Variants in UPF2 observed in about 807,000 individuals in gnomAD.
UPF2 encodes UPF2 regulator of nonsense mediated mRNA decay.
A neutral mutation model predicts 141.4 loss-of-function variants in UPF2; 17 were observed. The observed-to-expected ratio is 0.12, with a 90% CI of 0.08 to 0.18. UPF2 has a LOEUF of 0.18. Among genes scored for constraint, UPF2 ranks in the 10% least tolerant of loss-of-function variants. The pLI is 1.00. For missense variants in UPF2, 1,152 were observed against 1,515.9 expected (o/e 0.76, Z 3.99); for synonymous variants, 540 against 498.0 (o/e 1.08, Z -1.12).
chr10:11,941,541 G>C (rs1832936321), intron 18 of UPF2, among the ~76,000 whole-genome samples: 3 of 151,828 alleles, frequency 2.0e-5, no homozygotes, highest in Admixed American at 1.3e-4. Flanking sequence ...AGCATATAAA[G>C]ATTCCATAAT....
intron 3 of UPF2, among the ~76,000 whole-genome samples, chr10:12,018,186 G>T (rs898818390): frequency 6.6e-6 from 1 of 152,116 alleles, no homozygotes; most frequent in African/African-American, 2.4e-5. Flanking sequence ...AGCGGCTAAC[G>T]CCTGTAATCC....
intron 1 of UPF2, among the ~76,000 whole-genome samples, chr10:12,038,378 TCACACACA>T (rs200544672): frequency 1.8e-3 from 248 of 135,926 alleles, no homozygotes; most frequent in African/African-American, 3.6e-3. Flanking sequence ...AGACTCCATC[TCACACACA>T]CACACACACA....
In UPF2 at chr10:12,029,399, A is replaced by G; in HGVS notation, c.491T>C (p.Leu164Pro). ...SRPEENFFSR[L>P]DSSLKKNTAF... Reference sequence around the variant, plus strand: ...AGTATTTTTCTTCAAACTTGAGTCGAGGCGGCTGAAGAAGTTTTCCTCTGG... The same window carrying G: ...AGTATTTTTCTTCAAACTTGAGTCGGGGCGGCTGAAGAAGTTTTCCTCTGG... Residue 164 changes from leucine (L) to proline (P), a missense_variant, in exon 3 of 22, where the codon CTC becomes CCC. Physicochemically the swap from Leu to Pro is moderately conservative, Grantham distance 98. Transcript: ENST00000357604. 1.2e-6 allele frequency: 2 copies of G among 1,614,228 alleles called. No individual in the cohort carries two copies. The highest frequency in any genetic ancestry group is 1.7e-6 in the Non-Finnish European group (2 of 1,180,038).
chr10:11,921,199 C>T lies in UPF2; in HGVS notation c.*99G>A. On this transcript the variant is annotated 3_prime_UTR_variant, in exon 22 of 22. Transcript: ENST00000357604. The surrounding 1 kb of genome is among the most constrained non-coding windows in gnomAD (Gnocchi z 5.9). ...TTAGATTCGCAACTCTCTAGACCGA[C>T]CTGCTGAGATGTGTCCACTGCTCTC... 6.5e-7 allele frequency: 1 copy of T among 1,535,824 alleles called. No individual in the cohort carries two copies. The highest frequency in any genetic ancestry group is 1.4e-5 in the African/African-American group (1 of 73,422).
chr10:12,035,269 G>C lies in UPF2; in HGVS notation c.155C>G (p.Ala52Gly). 6.2e-7 allele frequency: 1 copy of C among 1,613,600 alleles called. No individual in the cohort carries two copies. Among genetic ancestry groups the C allele is most frequent in the Non-Finnish European group, 8.5e-7 (1 of 1,179,974 alleles). The part of the protein sequence containing the change: ...KLTAKKEVSK[A>G]PEDKKKRLED... ...CAGTCTCTTCTTCTTGTCTTCAGGGGCCTTGCTGACCTCCTTCTTGGCAGT... is the reference window on the plus strand; with the variant it reads ...CAGTCTCTTCTTCTTGTCTTCAGGGCCCTTGCTGACCTCCTTCTTGGCAGT... Residue 52 changes from alanine to glycine, a missense_variant, in exon 2 of 22, where the codon GCC becomes GGC. By Grantham distance (60) the Ala-to-Gly change is moderately conservative (BLOSUM62 0). Transcript: ENST00000357604.
intron 9 of UPF2, among the ~76,000 whole-genome samples, chr10:11,972,125 T>C (rs1229976106): frequency 6.6e-6 from 1 of 150,664 alleles, no homozygotes. Flanking sequence ...ACACATGAAC[T>C]GTAAGGATTT....
At chr10:11,934,620 C>T (rs1000407735) in intron 19 of UPF2, among the ~76,000 whole-genome samples, 3 of 152,316 alleles carry the variant, frequency 2.0e-5, no homozygotes, top group East Asian at 1.9e-4. Flanking sequence ...GACGGAGTCT[C>T]GTTCTGTCGC....
At chr10:11,937,434 C>T (rs925173033) in intron 18 of UPF2, among the ~76,000 whole-genome samples, 1 of 152,140 alleles carries the variant, frequency 6.6e-6, no homozygotes, top group Non-Finnish European at 1.5e-5. Context: ...ACTACCTGTA[C>T]CTGGCTGAGA....
intron 5 of UPF2, 76 bp downstream of exon 5, chr10:12,004,453 TA>T (rs558829214): frequency 3.9e-5 from 44 of 1,142,848 alleles, no homozygotes; most frequent in South Asian, 8.3e-5. Flanking sequence ...ACAATATATA[TA>T]TTTTTTTTTT....
rs1428284411 is a variant in UPF2, at chr10:11,948,408, T to C, written c.3135A>G (p.Gln1045=). Residue 1045 remains glutamine (Q), a synonymous_variant, in exon 16 of 22, where the codon CAA becomes CAG. Coordinates refer to ENST00000357604, the MANE Select transcript of UPF2 (RefSeq NM_015542.4). ...CATTTACTTCACTTTCATTTCCAGA[T>C]TGTTCTTCTGTTTCAGCCCCACCTT... The part of the protein sequence containing the change: ...EEEGGAETEE[Q]SGNESEVNEP... The C allele has an allele frequency of 6.2e-7, 1 of 1,608,882 alleles. No homozygotes were observed. Among genetic ancestry groups the C allele is most frequent in the Middle Eastern group, 1.7e-4 (1 of 6,056 alleles).
intron 18 of UPF2, among the ~76,000 whole-genome samples, chr10:11,938,079 G>T (rs988844358): frequency 3.9e-5 from 6 of 151,984 alleles, no homozygotes; most frequent in Non-Finnish European, 5.9e-5. Flanking sequence ...ATGTTCTTTC[G>T]GATTTTTTCA....
intron 4 of UPF2, among the ~76,000 whole-genome samples, chr10:12,006,196 C>T (rs1246436000): frequency 2.0e-5 from 3 of 152,070 alleles, no homozygotes; most frequent in Non-Finnish European, 2.9e-5. Flanking sequence ...TTCTTTTATG[C>T]CATAAATGTC....
chr10:11,955,571 A>T, intron 13 of UPF2, 64 bp from the exon 14 acceptor site: 3 of 1,466,526 alleles, frequency 2.0e-6, no homozygotes, highest in Non-Finnish European at 2.7e-6. Context: ...AACAGGTTAA[A>T]CTTGTCTCTG....
intron 2 of UPF2, among the ~76,000 whole-genome samples, chr10:12,031,105 C>G (rs1411244561): frequency 7.2e-6 from 1 of 139,594 alleles, no homozygotes; most frequent in Non-Finnish European, 1.5e-5. Context: ...ACCCGGGAGG[C>G]GGAGCTTGCA....
intron 9 of UPF2, among the ~76,000 whole-genome samples, chr10:11,974,300 A>T (rs1416238032): frequency 6.6e-6 from 1 of 152,148 alleles, no homozygotes; most frequent in Non-Finnish European, 1.5e-5. Flanking sequence ...GGCTTTCTAA[A>T]TATACGATCA....
chr10:11,977,992 T>TTACAGACCA (rs1833533763), intron 9 of UPF2, among the ~76,000 whole-genome samples: 1 of 152,208 alleles, frequency 6.6e-6, no homozygotes, highest in Non-Finnish European at 1.5e-5. Context: ...CAAGAAGTGC[T>TTACAGACCA]TACAGACCAT....
Position 12,029,436 on chromosome 10 carries a change from G to A in UPF2, c.454C>T (p.Pro152Ser), listed in dbSNP as rs1398646973. 5 of 1,613,784 alleles carry A rather than the reference G, an allele frequency of 3.1e-6. No individual in the cohort carries two copies. In the African/African-American group the frequency reaches 5.3e-5, roughly 17 times the overall value. Reference protein sequence around the residue: ...KELRSKNQNAPDSRPEENFFS... With the variant: ...KELRSKNQNASDSRPEENFFS... Reference sequence around the variant, plus strand: ...AAGTTTTCCTCTGGTCGGCTGTCCGGAGCATTTTGGTTTTTGCTACGAAGT... The same window carrying A: ...AAGTTTTCCTCTGGTCGGCTGTCCGAAGCATTTTGGTTTTTGCTACGAAGT... The change falls in exon 3 of 22, where the codon CCG becomes TCG. Residue 152 changes from proline to serine, a missense_variant. This residue lies in a region of UPF2 where 739 missense variants were observed against 1,032.2 expected (regional missense o/e 0.72). Transcript: ENST00000357604.
Position 11,921,452 on chromosome 10 carries a change from G to T in UPF2, c.3810-145C>A. ...TGGCATCTGCGGGTTCCACATCCAT[G>T]GACCAAAAATATTCGGGGGAAAAAA... is the stretch of plus-strand genomic sequence containing the variant. On this transcript the variant is annotated intron_variant, in intron 21 of 21. Coordinates refer to ENST00000357604, the MANE Select transcript of UPF2 (RefSeq NM_015542.4). This position sits in a 1 kb window ranked among gnomAD's most constrained non-coding sequence, Gnocchi z 5.9. 2.4e-6 allele frequency: 2 copies of T among 842,060 alleles called. No individual in the cohort carries two copies. The highest frequency in any genetic ancestry group is 1.9e-6 in the Non-Finnish European group (1 of 521,624). 52.2% of individuals were successfully genotyped at this position (842,060 alleles called of 1,614,324 possible). A position where few individuals can be genotyped will look rare whatever the true frequency, so the allele number is the denominator to read the frequency against.
At chr10:11,948,247 C>CAAAA (rs139062017) in intron 16 of UPF2, 122 bp downstream of exon 16, 85 of 472,560 alleles carry the variant, frequency 1.8e-4, no homozygotes, top group Admixed American at 3.4e-4. Flanking sequence ...GACTCTGTCT[C>CAAAA]AAAAAAAAAA....
Sources: gnomAD v4.1 joint callset for allele counts (sites outside exome capture counted in the v4.1 genomes callset) on GRCh38, gnomAD v4.1.1 for gene constraint, gnomAD v4.1.1 regional missense constraint, Gnocchi (gnomAD v3.1) non-coding constraint, MANE v1.5 for transcripts, NCBI Gene and HGNC (gene_info 2026-07-23, HGNC 2026-07-21) for gene names.